The following CHCHD3 variants were observed in gnomAD, a reference collection of about 807,000 sequenced individuals.
The protein encoded by CHCHD3 is coiled-coil-helix-coiled-coil-helix domain containing 3.
In CHCHD3, 20 loss-of-function variants were observed where a neutral mutation model predicts 38.2. The observed-to-expected ratio is 0.52, with a 90% confidence interval of 0.37 to 0.76. CHCHD3 has a LOEUF of 0.76. CHCHD3 is among the 30% of genes least tolerant of loss of function. CHCHD3 has a pLI of 0.00. For missense variants in CHCHD3, 245 were observed against 279.2 expected (o/e 0.88, Z 0.87); for synonymous variants, 82 against 100.0 (o/e 0.82, Z 1.07).
intron 4 of CHCHD3, among the ~76,000 whole-genome samples, chr7:132,972,164 T>A (rs113265952): frequency 0.019 from 2,851 of 152,352 alleles, 104 homozygotes; most frequent in African/African-American, 0.064. Context: ...TTGTAATTTT[T>A]TGTTTTCCAA....
intron 4 of CHCHD3, among the ~76,000 whole-genome samples, chr7:132,909,718 T>A (rs1462916255): frequency 1.3e-5 from 2 of 152,116 alleles, no homozygotes; most frequent in African/African-American, 2.4e-5. Flanking sequence ...CAAGATGATG[T>A]TGTATTTATT....
At chr7:132,867,590 G>T (rs989580914) in intron 5 of CHCHD3, among the ~76,000 whole-genome samples, 1 of 151,992 alleles carries the variant, frequency 6.6e-6, no homozygotes, top group African/African-American at 2.4e-5. Flanking sequence ...TCCTTAAAAC[G>T]TCCACAGATA....
chr7:132,816,324 C>T (rs781550720), intron 6 of CHCHD3, among the ~76,000 whole-genome samples: 5 of 152,106 alleles, frequency 3.3e-5, no homozygotes, highest in Non-Finnish European at 7.4e-5. Flanking sequence ...AAGAGTTGGC[C>T]TCTATTAATG....
At chr7:132,874,116 G>A (rs1203534882) in intron 5 of CHCHD3, among the ~76,000 whole-genome samples, 3 of 152,242 alleles carry the variant, frequency 2.0e-5, no homozygotes, top group South Asian at 2.1e-4. Context: ...CACCTGCTAA[G>A]TGCCAAGTAC....
chr7:132,972,874 G>A (rs1811646869), intron 4 of CHCHD3: 1 of 985,232 alleles, frequency 1.0e-6, no homozygotes, highest in Admixed American at 6.2e-5. Flanking sequence ...GAATGTACGA[G>A]GCCAGTTTCT....
At chr7:132,961,422 T>G (rs1025819445) in intron 4 of CHCHD3, among the ~76,000 whole-genome samples, 14 of 152,192 alleles carry the variant, frequency 9.2e-5, no homozygotes, top group Admixed American at 3.3e-4. Context: ...ACTTAATTAT[T>G]TTTTCCCACC....
chr7:132,840,135 TACTTA>T (rs1807903189), intron 5 of CHCHD3, among the ~76,000 whole-genome samples: 1 of 152,236 alleles, frequency 6.6e-6, no homozygotes, highest in African/African-American at 2.4e-5. Context: ...TCATCTCAGA[TACTTA>T]ACTTAAGGTT....
intron 7 of CHCHD3, among the ~76,000 whole-genome samples, chr7:132,791,902 T>C (rs929398901): frequency 3.3e-5 from 5 of 152,110 alleles, no homozygotes; most frequent in African/African-American, 1.2e-4. Flanking sequence ...CTTTCTGATC[T>C]CTCCAAAGAG....
At chr7:132,885,407 A>G (rs1809179331) in intron 5 of CHCHD3, among the ~76,000 whole-genome samples, 1 of 152,184 alleles carries the variant, frequency 6.6e-6, no homozygotes, top group Admixed American at 6.6e-5. Flanking sequence ...GATTCTAAAC[A>G]TATAAGAAAA....
intron 2 of CHCHD3, among the ~76,000 whole-genome samples, chr7:133,025,804 AGG>A (rs1210819120): frequency 1.3e-5 from 2 of 152,200 alleles, no homozygotes; most frequent in African/African-American, 4.8e-5. Flanking sequence ...ACGCCTGGCC[AGG>A]ACCTAAGTTT....
chr7:132,785,526 T>C lies in CHCHD3; in HGVS notation c.*111A>G. On this transcript the variant is annotated 3_prime_UTR_variant, in exon 8 of 8. Coordinates refer to ENST00000262570, the MANE Select transcript of CHCHD3 (RefSeq NM_017812.4). ...ATCCATTCTTGATGTCTCTCTTTAG[T>C]GGTCTTCTCATTAGTGGTCTTCTCT... 9.9e-7 allele frequency: 1 copy of C among 1,010,210 alleles called. No homozygotes were observed. The highest frequency in any genetic ancestry group is 1.6e-6 in the Non-Finnish European group (1 of 645,076). 62.6% of individuals were successfully genotyped at this position (1,010,210 alleles called of 1,614,324 possible).
chr7:132,921,142 T>C (rs1192006978), intron 4 of CHCHD3, among the ~76,000 whole-genome samples: 2 of 152,188 alleles, frequency 1.3e-5, no homozygotes, highest in Non-Finnish European at 1.5e-5. Context: ...AACACTGATA[T>C]ATGTAAACTG....
In CHCHD3 at chr7:132,805,392, G is replaced by C. The variant is rs535295033; in HGVS notation, c.525-8815C>G. On this transcript the variant is annotated intron_variant, in intron 6 of 7. Coordinates refer to ENST00000262570, the MANE Select transcript of CHCHD3 (RefSeq NM_017812.4). ...GACTTTAAAAATCCCACAGAGTGAA[G>C]GGCAGGACTGTAAGACTCAGAGGGC... Among the ~76,000 whole-genome samples the C allele has an allele frequency of 4.6e-5, 7 of 152,200 alleles. No individual in the cohort carries two copies. The South Asian group carries it at 1.5e-3, about 32-fold the overall frequency.
chr7:132,920,183 CT>C (rs925127064), intron 4 of CHCHD3, among the ~76,000 whole-genome samples: 1 of 152,266 alleles, frequency 6.6e-6, no homozygotes, highest in Non-Finnish European at 1.5e-5. Context: ...CAAATCTTGC[CT>C]TTTGGAAATA....
intron 4 of CHCHD3, among the ~76,000 whole-genome samples, chr7:132,955,640 C>T (rs891243364): frequency 6.6e-6 from 1 of 151,262 alleles, no homozygotes; most frequent in Non-Finnish European, 1.5e-5. Context: ...AAAAGTTGTT[C>T]ATCATACTTG....
At chr7:133,027,876 T>G (rs1266302737) in intron 2 of CHCHD3, among the ~76,000 whole-genome samples, 1 of 152,152 alleles carries the variant, frequency 6.6e-6, no homozygotes, top group Non-Finnish European at 1.5e-5. Context: ...AAAGTCCAAA[T>G]AGTCTGCTTT....
chr7:132,990,037 G>C (rs1248879660), intron 3 of CHCHD3, among the ~76,000 whole-genome samples: 1 of 152,102 alleles, frequency 6.6e-6, no homozygotes, highest in Non-Finnish European at 1.5e-5. Context: ...GCCGGGCGTG[G>C]TGGTGGGTGC....
rs113872221 is a variant in CHCHD3, at chr7:133,005,412, T to C, written c.251+19134A>G. Reference sequence around the variant, plus strand: ...GGATCAAGAAAAGATCCAACAACCATATTTACTTATTTTCTCAGAATTAAG... The same window carrying C: ...GGATCAAGAAAAGATCCAACAACCACATTTACTTATTTTCTCAGAATTAAG... On this transcript the variant is annotated intron_variant, in intron 3 of 7. Transcript: ENST00000262570. 1.4e-4 allele frequency among the ~76,000 whole-genome samples: 22 copies of C among 152,322 alleles called. 1 individual carries two copies. Among genetic ancestry groups the C allele is most frequent in the African/African-American group, 4.8e-4 (20 of 41,574 alleles).
chr7:132,819,919 GAGAAA>G (rs1310079700), intron 6 of CHCHD3, among the ~76,000 whole-genome samples: 1 of 152,198 alleles, frequency 6.6e-6, no homozygotes, highest in Admixed American at 6.5e-5. Context: ...TGAAGTGCAT[GAGAAA>G]AGATGGCAAA....
Sources: gnomAD v4.1 joint callset for allele counts (sites outside exome capture counted in the v4.1 genomes callset) on GRCh38, gnomAD v4.1.1 for gene constraint, MANE v1.5 for transcripts, NCBI Gene and HGNC (gene_info 2026-07-23, HGNC 2026-07-21) for gene names.